Variants in CFAP91 observed in about 807,000 individuals in gnomAD.
CFAP91 encodes cilia- and flagella-associated protein 91.
Under a neutral mutation model 95.9 loss-of-function variants are expected in CFAP91, and 85 were observed. The observed-to-expected ratio is 0.89, with a 90% CI of 0.74 to 1.06. The LOEUF is 1.06. Ranked by LOEUF, CFAP91 falls within the 50% of genes least tolerant of loss-of-function variation. CFAP91 has a pLI of 0.00. For missense variants in CFAP91, 962 were observed against 943.4 expected (o/e 1.02, Z -0.26); for synonymous variants, 335 against 327.5 (o/e 1.02, Z -0.25).
At chr3:119,730,010 A>G (rs2053862914) in intron 7 of CFAP91, among the ~76,000 whole-genome samples, 1 of 151,960 alleles carries the variant, frequency 6.6e-6, no homozygotes, top group African/African-American at 2.4e-5. Flanking sequence ...TGAGAACTAC[A>G]CCCATATATA....
At chr3:119,704,471 G>C (rs2053322919) in intron 1 of CFAP91, among the ~76,000 whole-genome samples, 1 of 152,100 alleles carries the variant, frequency 6.6e-6, no homozygotes, top group Admixed American at 6.6e-5. Flanking sequence ...TTCTTTCTTT[G>C]ACCTTATGAC....
At chr3:119,754,758 G>A (rs540645578) in intron 17 of CFAP91, among the ~76,000 whole-genome samples, 6 of 152,350 alleles carry the variant, frequency 3.9e-5, no homozygotes, top group African/African-American at 1.4e-4. Context: ...CCCCAGCTCA[G>A]CAGAGCTATG....
At chr3:119,711,251 T>A (rs985856507) in intron 5 of CFAP91, among the ~76,000 whole-genome samples, 6 of 152,190 alleles carry the variant, frequency 3.9e-5, no homozygotes, top group South Asian at 2.1e-4. Context: ...GGAGTACAGA[T>A]TCCCTGCTCT....
chr3:119,723,059 C>T (rs930469446), intron 6 of CFAP91, among the ~76,000 whole-genome samples: 2 of 152,216 alleles, frequency 1.3e-5, no homozygotes, highest in Non-Finnish European at 2.9e-5. Flanking sequence ...TAGCACTTTT[C>T]ATCTTCTCTT....
At chr3:119,736,427 A>G (rs1418563425) in intron 10 of CFAP91, among the ~76,000 whole-genome samples, 1 of 150,508 alleles carries the variant, frequency 6.6e-6, no homozygotes, top group African/African-American at 2.4e-5. Context: ...GCCCACCACC[A>G]CGCCTGGCTA....
rs1442075656 is a variant in CFAP91, at chr3:119,750,969, G to A, written c.2176G>A (p.Ala726Thr). The change falls in exon 17 of 18, where the codon GCC becomes ACC. Residue 726 changes from alanine (A) to threonine (T), a missense_variant. Ala to Thr is a moderately conservative substitution (Grantham distance 58, BLOSUM62 0). Transcript: ENST00000273390. ...CGCACAGCGGAAACATATTCTTGCA[G>A]CCCATCAGATCATCCACAGTTACAC... ...RNAQRKHILA[A>T]HQIIHSYTES... 1.1e-5 allele frequency: 17 copies of A among 1,613,958 alleles called. No homozygotes were observed. Among genetic ancestry groups the A allele is most frequent in the Non-Finnish European group, 1.4e-5 (17 of 1,179,888 alleles).
At chr3:119,720,290 G>T (rs998497754) in intron 6 of CFAP91, among the ~76,000 whole-genome samples, 4 of 150,918 alleles carry the variant, frequency 2.7e-5, no homozygotes, top group African/African-American at 9.7e-5. Context: ...CCAGCTACTC[G>T]GGAGGCTGAG....
chr3:119,745,649 C>G (rs1156335480), intron 14 of CFAP91, among the ~76,000 whole-genome samples: 6 of 152,260 alleles, frequency 3.9e-5, no homozygotes, highest in African/African-American at 2.4e-5. Context: ...ATAGATCCAA[C>G]TTGCTTCCTG....
Position 119,707,454 on chromosome 3 carries a change from A to C in CFAP91, c.252A>C (p.Pro84=). 1 of 1,591,012 alleles carries C rather than the reference A, an allele frequency of 6.3e-7. No individual in the cohort carries two copies. The highest frequency in any genetic ancestry group is 8.6e-7 in the Non-Finnish European group (1 of 1,164,440). ...TGTTCAGTAACCTGATCCATTATCC[A>C]AGATATTCTCTATATTGGAGCAAGT... ...KTMFSNLIHY[P]RYSLYWSKSD... is the part of the protein sequence containing the mutation. The change falls in exon 3 of 18, where the codon CCA becomes CCC. Residue 84 remains proline (P), a synonymous_variant. Transcript: ENST00000273390.
chr3:119,757,744 T>C (rs2054460647), intron 17 of CFAP91, among the ~76,000 whole-genome samples: 1 of 152,090 alleles, frequency 6.6e-6, no homozygotes, highest in Non-Finnish European at 1.5e-5. Flanking sequence ...GCCCAACAAC[T>C]ACAGAATGCA....
At chr3:119,759,419 A>G (rs1357325984) in intron 17 of CFAP91, among the ~76,000 whole-genome samples, 5 of 151,938 alleles carry the variant, frequency 3.3e-5, no homozygotes, top group Non-Finnish European at 7.4e-5. Context: ...ATGGAATACT[A>G]TTTCCTGACC....
chr3:119,748,292 A>G (rs2472661), intron 16 of CFAP91, among the ~76,000 whole-genome samples: 148,719 of 152,300 alleles, frequency 0.98, 72,706 homozygotes, highest in Middle Eastern at 1. Context: ...TTAAAAAGGA[A>G]GGGTGCTAGA....
intron 12 of CFAP91, among the ~76,000 whole-genome samples, chr3:119,740,026 A>G (rs9881432): frequency 0.016 from 2,418 of 152,284 alleles, 60 homozygotes; most frequent in African/African-American, 0.055. Flanking sequence ...TTTCCCAGAT[A>G]GCTATAACTC....
intron 3 of CFAP91, 34 bp downstream of exon 3, chr3:119,707,595 A>G: frequency 6.6e-7 from 1 of 1,519,494 alleles, no homozygotes; most frequent in Non-Finnish European, 8.9e-7. Context: ...CCTAAAATAA[A>G]TGCATTAAAA....
At chr3:119,726,613 T>A (rs2053789396) in intron 7 of CFAP91, among the ~76,000 whole-genome samples, 1 of 152,228 alleles carries the variant, frequency 6.6e-6, no homozygotes, top group African/African-American at 2.4e-5. Flanking sequence ...AACCCAGGTT[T>A]GAACAACTCC....
At chr3:119,739,925 G>A (rs950257890) in intron 12 of CFAP91, among the ~76,000 whole-genome samples, 7 of 152,102 alleles carry the variant, frequency 4.6e-5, no homozygotes, top group Non-Finnish European at 8.8e-5. Flanking sequence ...TGGTCTTCCC[G>A]AGTGTAAAGC....
At chr3:119,707,722 GTATATATGAGATATA>G (rs2053395744) in intron 3 of CFAP91, among the ~76,000 whole-genome samples, 161 bp downstream of exon 3, 1 of 124,144 alleles carries the variant, frequency 8.1e-6, no homozygotes, top group African/African-American at 3.0e-5. Flanking sequence ...ATTATATATT[GTATATATGAGATATA>G]TATATATATA....
intron 6 of CFAP91, among the ~76,000 whole-genome samples, chr3:119,722,967 A>C (rs955778455): frequency 1.6e-4 from 24 of 152,358 alleles, no homozygotes; most frequent in Admixed American, 3.3e-4. Flanking sequence ...TGAATAGATA[A>C]GACTTCTCCC....
intron 17 of CFAP91, among the ~76,000 whole-genome samples, chr3:119,753,914 T>C (rs1031464966): frequency 6.6e-6 from 1 of 152,264 alleles, no homozygotes; most frequent in Non-Finnish European, 1.5e-5. Context: ...TGTGGACTTC[T>C]ATCCTCCAGA....
Sources: gnomAD v4.1 joint callset for allele counts (sites outside exome capture counted in the v4.1 genomes callset) on GRCh38, gnomAD v4.1.1 for gene constraint, MANE v1.5 for transcripts, NCBI Gene and HGNC (gene_info 2026-07-23, HGNC 2026-07-21) for gene names.